TRIM54: variants seen among roughly 807,000 people sequenced by gnomAD.
TRIM54 encodes tripartite motif containing 54, also known as tripartite motif-containing protein 54.
Under a neutral mutation model 42.0 loss-of-function variants are expected in TRIM54, and 40 were observed. The observed-to-expected ratio is 0.95, with a 90% CI of 0.74 to 1.24. The LOEUF (loss-of-function observed/expected upper bound fraction) is 1.24. Among genes scored for constraint, TRIM54 ranks in the 50% most tolerant of loss-of-function variants. The pLI, the probability that TRIM54 is intolerant of heterozygous loss-of-function variation, is 0.00. For missense variants in TRIM54, 485 were observed against 480.3 expected (o/e 1.01, Z -0.09); for synonymous variants, 199 against 194.9 (o/e 1.02, Z -0.17).
intron 1 of TRIM54, among the ~76,000 whole-genome samples, chr2:27,287,328 G>C (rs1009042982): frequency 2.0e-5 from 3 of 151,978 alleles, no homozygotes; most frequent in African/African-American, 7.3e-5. Flanking sequence ...TCAGCCCCCT[G>C]AGTAGCTGGG....
At position 27,305,711 on chromosome 2, in the gene TRIM54, T is replaced by A. The variant is rs1264332964; in HGVS notation, c.737T>A (p.Val246Asp). 6.2e-7 allele frequency: 1 copy of A among 1,612,348 alleles called. No homozygotes were observed. The highest frequency in any genetic ancestry group is 1.1e-5 in the South Asian group (1 of 90,712). ...AREQEEKLQR[V>D]RGLIRQYGDH... ...GAGCAAGAGGAGAAGCTGCAGCGCG[T>A]CCGCGGCCTCATCCGTCAGTATGGC... Residue 246 changes from valine (V) to aspartate (D), a missense_variant, in exon 5 of 9, where the codon GTC (valine) becomes GAC (aspartate). By Grantham distance (152) the Val-to-Asp change is radical (BLOSUM62 -3). Coordinates refer to ENST00000380075, the MANE Select transcript of TRIM54 (RefSeq NM_187841.3).
chr2:27,303,917 A>G (rs112133052), intron 3 of TRIM54, among the ~76,000 whole-genome samples: 5 of 152,230 alleles, frequency 3.3e-5, no homozygotes, highest in African/African-American at 1.2e-4. Context: ...TAGAATATCA[A>G]AAACCAACCA....
Position 27,299,349 on chromosome 2 carries a change from G to T in TRIM54, c.446G>T (p.Cys149Phe), listed in dbSNP as rs759285968. ...TGTGAGGTGCCCACCTGCTCTCTCT[G>T]CAAGGTCTTCGGTGCCCACAAGGAC... Reference protein sequence around the residue: ...LSCEVPTCSLCKVFGAHKDCE... With the variant: ...LSCEVPTCSLFKVFGAHKDCE... Residue 149 changes from cysteine to phenylalanine, a missense_variant, in exon 3 of 9, where the codon TGC (cysteine) becomes TTC (phenylalanine). By Grantham distance (205) the Cys-to-Phe change is radical. Coordinates refer to ENST00000380075, the MANE Select transcript of TRIM54 (RefSeq NM_187841.3). 6.2e-7 allele frequency: 1 copy of T among 1,614,144 alleles called. No homozygotes were observed. The highest frequency in any genetic ancestry group is 2.2e-5 in the East Asian group (1 of 44,878).
At position 27,306,359 on chromosome 2, in the gene TRIM54, C is replaced by T. The variant is rs1401370114; in HGVS notation, c.991+22C>T. ...CCAGGTGAAGGAGGTGGCCGAGGGC[C>T]GCTGAGACGGGTTCGGACCCTCTGT... On this transcript the variant is annotated intron_variant, in intron 7 of 8. Transcript: ENST00000380075. This position sits in a 1 kb window ranked among gnomAD's most constrained non-coding sequence, Gnocchi z 6.1. The T allele has an allele frequency of 1.1e-5, 18 of 1,613,828 alleles. No homozygotes were observed. Among genetic ancestry groups the T allele is most frequent in the Admixed American group, 1.7e-5 (1 of 60,002 alleles).
intron 1 of TRIM54, among the ~76,000 whole-genome samples, chr2:27,290,623 G>A (rs1318380005): frequency 6.6e-6 from 1 of 152,200 alleles, no homozygotes; most frequent in African/African-American, 2.4e-5. Flanking sequence ...CCTAGCCTGG[G>A]TGACAGAGCA....
At chr2:27,283,766 A>ACG (rs1678458066) in intron 1 of TRIM54, among the ~76,000 whole-genome samples, 9 of 88,708 alleles carry the variant, frequency 1.0e-4, no homozygotes, top group Admixed American at 5.9e-4. Context: ...GGGCAAAGGC[A>ACG]CACACACACA....
At chr2:27,305,548 C>T (rs751050042) in intron 4 of TRIM54, 36 bp from the exon 5 acceptor site, 1 of 1,573,568 alleles carries the variant, frequency 6.4e-7, no homozygotes, top group Non-Finnish European at 8.7e-7. Context: ...CGGGTCTCAG[C>T]CACGCCTTCC....
chr2:27,300,625 T>TATTTA (rs1449800859), intron 3 of TRIM54, among the ~76,000 whole-genome samples: 1 of 152,064 alleles, frequency 6.6e-6, no homozygotes, highest in African/African-American at 2.4e-5. Context: ...CTAATAATAC[T>TATTTA]TTAGAAGAGC....
intron 1 of TRIM54, among the ~76,000 whole-genome samples, chr2:27,284,382 C>T (rs939230654): frequency 2.6e-5 from 4 of 152,168 alleles, no homozygotes; most frequent in African/African-American, 9.6e-5. Flanking sequence ...CCCTGTGACC[C>T]ACACCTTGTG....
At chr2:27,305,108 C>A in intron 4 of TRIM54, 54 bp downstream of exon 4, 1 of 1,502,200 alleles carries the variant, frequency 6.7e-7, no homozygotes, top group East Asian at 2.3e-5. Context: ...CTGCGGACCC[C>A]GGGCTCCCAA....
intron 3 of TRIM54, among the ~76,000 whole-genome samples, chr2:27,302,624 T>C (rs1679066373): frequency 6.6e-6 from 1 of 150,812 alleles, no homozygotes; most frequent in South Asian, 2.1e-4. Context: ...AAACCCTTTC[T>C]CTACTAAAAA....
chr2:27,283,763 G>GGCACACACGCACGCGCGCGCGCGCGC (rs1302528330), intron 1 of TRIM54, among the ~76,000 whole-genome samples: 33 of 103,832 alleles, frequency 3.2e-4, no homozygotes, highest in African/African-American at 1.1e-3. Context: ...GAGGGGCAAA[G>GGCACACACGCACGCGCGCGCGCGCGC]GCACACACAC....
At chr2:27,304,867 G>A in intron 3 of TRIM54, 92 bp from the exon 4 acceptor site, 1 of 1,093,608 alleles carries the variant, frequency 9.1e-7, no homozygotes. Flanking sequence ...GAGGTGGAAG[G>A]GCCAGCCCTC....
rs757816014 is a variant in TRIM54 at position 27,305,033 on chromosome 2, G to A, written c.588G>A (p.Glu196=). 1.2e-6 allele frequency: 2 copies of A among 1,614,042 alleles called. No individual in the cohort carries two copies. The highest frequency in any genetic ancestry group is 2.2e-5 in the South Asian group (2 of 91,062). The change falls in exon 4 of 9, where the codon GAG becomes GAA. Residue 196 remains glutamate (E), a synonymous_variant. Transcript: ENST00000380075. The stretch of plus-strand genomic sequence containing the variant: ...TGCAAGCAGTGATCACACAGATGGA[G>A]GAGGTGTGCCAGACTATCGAGGTGA... The part of the protein sequence containing the change: ...DRVQAVITQM[E]EVCQTIEDNS...
intron 1 of TRIM54, among the ~76,000 whole-genome samples, chr2:27,293,930 G>A (rs1678792172): frequency 6.6e-6 from 1 of 151,962 alleles, no homozygotes; most frequent in African/African-American, 2.4e-5. Flanking sequence ...GGCTGAGGCA[G>A]GAGAATCGCT....
intron 3 of TRIM54, among the ~76,000 whole-genome samples, chr2:27,302,053 C>G (rs1242657776): frequency 6.6e-6 from 1 of 152,136 alleles, no homozygotes; most frequent in Non-Finnish European, 1.5e-5. Context: ...ACTTGGGAGG[C>G]TGAGACAGGA....
rs376930183 is a variant in TRIM54 at position 27,305,645 on chromosome 2, T to A, written c.671T>A (p.Leu224Gln). The A allele has an allele frequency of 6.2e-7, 1 of 1,613,670 alleles. No individual in the cohort carries two copies. Among genetic ancestry groups the A allele is most frequent in the Non-Finnish European group, 8.5e-7 (1 of 1,179,960 alleles). Residue 224 changes from leucine to glutamine, a missense_variant, in exon 5 of 9, where the codon CTG becomes CAG. Transcript: ENST00000380075. ...NQRFESLCAV[L>Q]EERKGELLQA... is the part of the protein sequence containing the mutation. Reference sequence around the variant, plus strand: ...AGGTTTGAGAGCCTGTGCGCAGTGCTGGAGGAGCGCAAGGGTGAGCTGCTG... The same window carrying A: ...AGGTTTGAGAGCCTGTGCGCAGTGCAGGAGGAGCGCAAGGGTGAGCTGCTG...
chr2:27,294,155 G>T (rs370797717), intron 1 of TRIM54, among the ~76,000 whole-genome samples: 1 of 151,950 alleles, frequency 6.6e-6, no homozygotes, highest in Non-Finnish European at 1.5e-5. Flanking sequence ...TTTGAGACAG[G>T]TCTCCCTCTG....
At chr2:27,299,717 A>ATCC (rs1678978827) in intron 3 of TRIM54, 6 of 307,630 alleles carry the variant, frequency 2.0e-5, no homozygotes, top group Non-Finnish European at 3.5e-5. Flanking sequence ...TCTATCTATC[A>ATCC]TATTTTGAGA....
Sources: allele counts gnomAD v4.1 joint callset (sites outside exome capture counted in the v4.1 genomes callset), GRCh38; gene constraint gnomAD v4.1.1; non-coding constraint Gnocchi (gnomAD v3.1); transcripts MANE v1.5; gene names NCBI Gene and HGNC (gene_info 2026-07-23, HGNC 2026-07-21).